Variants in LHFPL6 observed in about 807,000 individuals in gnomAD.
LHFPL6 encodes LHFPL tetraspan subfamily member 6 protein.
In LHFPL6, 9 loss-of-function variants were observed where a neutral mutation model predicts 20.6. The observed-to-expected ratio is 0.44, with a 90% confidence interval of 0.26 to 0.76. The LOEUF (loss-of-function observed/expected upper bound fraction) is 0.76, where lower values mean the gene tolerates loss of function less well. Ranked by LOEUF, LHFPL6 falls within the 30% of genes least tolerant of loss-of-function variation. LHFPL6 has a pLI of 0.20. For missense variants in LHFPL6, 218 were observed against 253.5 expected, an observed-to-expected ratio of 0.86 and a Z score of 0.95; for synonymous variants, 105 against 98.7, an observed-to-expected ratio of 1.06 and a Z score of -0.38.
intron 3 of LHFPL6, among the ~76,000 whole-genome samples, chr13:39,373,156 A>T (rs982395074): frequency 6.6e-6 from 1 of 152,220 alleles, no homozygotes; most frequent in Non-Finnish European, 1.5e-5. Flanking sequence ...GCGAGAGTAA[A>T]CAGGCCTCAA....
chr13:39,454,039 T>C (rs1429029722), intron 2 of LHFPL6, among the ~76,000 whole-genome samples: 5 of 152,142 alleles, frequency 3.3e-5, no homozygotes, highest in African/African-American at 1.2e-4. Flanking sequence ...TCAGAATTAT[T>C]GATTGTTTTG....
intron 2 of LHFPL6, among the ~76,000 whole-genome samples, chr13:39,586,529 C>T (rs533021745): frequency 3.3e-5 from 5 of 151,834 alleles, no homozygotes; most frequent in African/African-American, 1.2e-4. Flanking sequence ...TTTTGAGGAA[C>T]TAGAAAGAAA....
chr13:39,374,875 C>T (rs557159411), intron 3 of LHFPL6, among the ~76,000 whole-genome samples: 27 of 152,338 alleles, frequency 1.8e-4, no homozygotes, highest in Admixed American at 1.2e-3. Flanking sequence ...TCCCCAGCAC[C>T]TAGCCCATGG....
intron 2 of LHFPL6, among the ~76,000 whole-genome samples, chr13:39,471,198 A>G (rs765893331): frequency 6.6e-6 from 1 of 152,240 alleles, no homozygotes; most frequent in African/African-American, 2.4e-5. Context: ...TGCACTGAAT[A>G]TAGAAAGACT....
chr13:39,406,115 G>A (rs1193339275), intron 2 of LHFPL6, among the ~76,000 whole-genome samples: 1 of 152,180 alleles, frequency 6.6e-6, no homozygotes, highest in Non-Finnish European at 1.5e-5. Context: ...GCTCAGTCCT[G>A]TGCCACAGAA....
chr13:39,511,179 T>C (rs942402117), intron 2 of LHFPL6, among the ~76,000 whole-genome samples: 17 of 152,120 alleles, frequency 1.1e-4, no homozygotes, highest in African/African-American at 3.6e-4. Context: ...AGCCAAAATA[T>C]TTTCTTACGC....
At chr13:39,540,632 G>T (rs918379996) in intron 2 of LHFPL6, among the ~76,000 whole-genome samples, 1 of 152,156 alleles carries the variant, frequency 6.6e-6, no homozygotes, top group South Asian at 2.1e-4. Context: ...GTAAGTTTTG[G>T]GGGGCTAACA....
At chr13:39,545,119 G>A (rs772590233) in intron 2 of LHFPL6, among the ~76,000 whole-genome samples, 16 of 151,788 alleles carry the variant, frequency 1.1e-4, no homozygotes, top group South Asian at 6.3e-4. Context: ...GGGGACGGGC[G>A]CCTGTAGTCC....
At chr13:39,394,393 G>C (rs1870791722) in intron 2 of LHFPL6, among the ~76,000 whole-genome samples, 2 of 152,132 alleles carry the variant, frequency 1.3e-5, no homozygotes, top group Admixed American at 1.3e-4. Flanking sequence ...GAACTTGTGG[G>C]GGGCAAGTTC....
chr13:39,541,677 T>C (rs1193889829), intron 2 of LHFPL6, among the ~76,000 whole-genome samples: 1 of 152,204 alleles, frequency 6.6e-6, no homozygotes, highest in African/African-American at 2.4e-5. Flanking sequence ...TTTTTCTATG[T>C]GTCTATTCCA....
At chr13:39,551,352 A>T (rs1378066602) in intron 2 of LHFPL6, among the ~76,000 whole-genome samples, 1 of 152,058 alleles carries the variant, frequency 6.6e-6, no homozygotes, top group Non-Finnish European at 1.5e-5. Flanking sequence ...TCTTGAGTTA[A>T]CTAACCCACT....
intron 2 of LHFPL6, among the ~76,000 whole-genome samples, chr13:39,519,852 A>G (rs547728132): frequency 3.9e-5 from 6 of 152,324 alleles, no homozygotes; most frequent in South Asian, 2.1e-4. Flanking sequence ...GGGGGGAAAA[A>G]AATAATGAGG....
intron 3 of LHFPL6, among the ~76,000 whole-genome samples, chr13:39,344,875 G>A (rs990414393): frequency 6.6e-6 from 1 of 152,232 alleles, no homozygotes; most frequent in Non-Finnish European, 1.5e-5. Flanking sequence ...TTGGAATAAA[G>A]TGAGCCAGGG....
intron 2 of LHFPL6, among the ~76,000 whole-genome samples, chr13:39,393,123 C>A (rs1029881156): frequency 6.6e-6 from 1 of 152,126 alleles, no homozygotes; most frequent in Non-Finnish European, 1.5e-5. Flanking sequence ...TGAACAACTG[C>A]AGATTTTGGT....
At chr13:39,581,660 T>C (rs1447559902) in intron 2 of LHFPL6, among the ~76,000 whole-genome samples, 3 of 151,994 alleles carry the variant, frequency 2.0e-5, no homozygotes, top group Non-Finnish European at 4.4e-5. Flanking sequence ...GTATCTTTTG[T>C]TAATGAACAT....
At chr13:39,431,204 C>A (rs182661410) in intron 2 of LHFPL6, among the ~76,000 whole-genome samples, 1 of 140,166 alleles carries the variant, frequency 7.1e-6, no homozygotes, top group South Asian at 2.4e-4. Flanking sequence ...TCTGAAGGAA[C>A]AAACTCCGGG....
chr13:39,355,553 A>G (rs1399909989), intron 3 of LHFPL6, among the ~76,000 whole-genome samples: 1 of 152,212 alleles, frequency 6.6e-6, no homozygotes, highest in Non-Finnish European at 1.5e-5. Flanking sequence ...CTTGAATGTA[A>G]ATGGTACAAA....
intron 3 of LHFPL6, among the ~76,000 whole-genome samples, chr13:39,352,412 C>T (rs1030468922): frequency 1.4e-4 from 22 of 152,206 alleles, no homozygotes; most frequent in African/African-American, 4.1e-4. Context: ...TCCATGGTAG[C>T]GCCCTCCACT....
At chr13:39,512,188 C>G (rs6563718) in intron 2 of LHFPL6, among the ~76,000 whole-genome samples, 59,814 of 152,112 alleles carry the variant, frequency 0.39, 14,185 homozygotes, top group African/African-American at 0.68. Flanking sequence ...TCCTGCTTAA[C>G]ACTGATTTCC....
Sources: gnomAD v4.1 joint callset for allele counts (sites outside exome capture counted in the v4.1 genomes callset) on GRCh38, gnomAD v4.1.1 for gene constraint, MANE v1.5 for transcripts, NCBI Gene and HGNC (gene_info 2026-07-23, HGNC 2026-07-21) for gene names.